Variants in BMPR1B observed in about 807,000 individuals in gnomAD.
The protein encoded by BMPR1B is bone morphogenetic protein receptor type-1B.
A neutral mutation model predicts 59.1 loss-of-function variants in BMPR1B; 12 were observed. The ratio of observed to expected loss-of-function variants is 0.20; its 90% CI spans 0.13 to 0.33. The LOEUF is 0.33. Ranked by LOEUF, BMPR1B falls within the 10% of genes least tolerant of loss-of-function variation. BMPR1B has a pLI of 1.00. For missense variants in BMPR1B, 550 were observed against 610.9 expected (o/e 0.90, Z 1.05); for synonymous variants, 237 against 207.3 (o/e 1.14, Z -1.23).
At chr4:94,795,415 A>G (rs540885090) in intron 1 of BMPR1B, among the ~76,000 whole-genome samples, 93 of 150,108 alleles carry the variant, frequency 6.2e-4, no homozygotes, top group African/African-American at 2.2e-3. Flanking sequence ...TGCTGAATTC[A>G]GAAAACTTCT....
At chr4:94,793,587 C>T (rs1427031109) in intron 1 of BMPR1B, among the ~76,000 whole-genome samples, 46 of 148,708 alleles carry the variant, frequency 3.1e-4, no homozygotes, top group East Asian at 2.8e-3. Flanking sequence ...CCTGAGGAAT[C>T]GCCACACTGA....
At position 94,795,955 on chromosome 4, in the gene BMPR1B, G is replaced by A. The variant is rs887661598; in HGVS notation, c.-183+37887G>A. On this transcript the variant is annotated intron_variant, in intron 1 of 12. Transcript: ENST00000515059. ...GCAAATTCAGTCAGGCCAACTTTAC[G>A]TAAGCTTTTTTTAACTTTTTTTTTT... Among the ~76,000 whole-genome samples, 6 of 146,282 alleles carry A rather than the reference G, an allele frequency of 4.1e-5. No homozygotes were observed. In the South Asian group the frequency reaches 6.6e-4, roughly 16 times the overall value.
intron 2 of BMPR1B, among the ~76,000 whole-genome samples, chr4:94,963,199 T>C (rs1177955288): frequency 6.6e-6 from 1 of 152,180 alleles, no homozygotes; most frequent in Non-Finnish European, 1.5e-5. Context: ...TAATATTTGT[T>C]GTTTTGCTTA....
At chr4:95,101,459 A>G (rs527334231) in intron 3 of BMPR1B, among the ~76,000 whole-genome samples, 2 of 152,016 alleles carry the variant, frequency 1.3e-5, no homozygotes, top group Admixed American at 6.6e-5. Flanking sequence ...TAATTACTGT[A>G]TGTATATTTT....
intron 12 of BMPR1B, among the ~76,000 whole-genome samples, chr4:95,154,170 G>A (rs1735249371): frequency 6.6e-6 from 1 of 152,200 alleles, no homozygotes; most frequent in African/African-American, 2.4e-5. Flanking sequence ...CTATGATTTA[G>A]GAATAACTGT....
chr4:94,760,319 C>G (rs1018753171), intron 1 of BMPR1B, among the ~76,000 whole-genome samples: 6 of 152,084 alleles, frequency 3.9e-5, no homozygotes, highest in Admixed American at 3.9e-4. Flanking sequence ...GTATGTTTCT[C>G]TAAATGTTCC....
chr4:94,844,171 C>CA (rs572583674), intron 1 of BMPR1B, among the ~76,000 whole-genome samples: 163 of 151,608 alleles, frequency 1.1e-3, no homozygotes, highest in African/African-American at 3.5e-3. Context: ...GTTTTCATCA[C>CA]AAAAAAAGGT....
intron 1 of BMPR1B, among the ~76,000 whole-genome samples, chr4:94,793,495 T>C (rs1212966590): frequency 2.0e-5 from 3 of 150,724 alleles, no homozygotes; most frequent in Non-Finnish European, 4.4e-5. Flanking sequence ...CATGTGTCTT[T>C]ATAGCAGCAT....
At chr4:94,817,193 G>T (rs1217103101) in intron 1 of BMPR1B, among the ~76,000 whole-genome samples, 1 of 152,112 alleles carries the variant, frequency 6.6e-6, no homozygotes, top group East Asian at 1.9e-4. Flanking sequence ...CCGGAACTGT[G>T]AGAAATAAAT....
In BMPR1B at chr4:94,962,018, A is replaced by G. The variant is rs374449869; in HGVS notation, c.-112-34022A>G. On this transcript the variant is annotated intron_variant, in intron 2 of 12. Coordinates refer to ENST00000515059, the MANE Select transcript of BMPR1B (RefSeq NM_001203.3). Reference sequence around the variant, plus strand: ...TTAACTATAGTCACCTTATTGTGCTATGGAAACATAGAAACTAGATTTTAT... The same window carrying G: ...TTAACTATAGTCACCTTATTGTGCTGTGGAAACATAGAAACTAGATTTTAT... Among the ~76,000 whole-genome samples the G allele has an allele frequency of 1.8e-4, 28 of 152,160 alleles. No individual in the cohort carries two copies. The South Asian group carries it at 5.4e-3, about 29-fold the overall frequency.
chr4:94,861,217 C>T (rs1381727867), intron 1 of BMPR1B, among the ~76,000 whole-genome samples: 1 of 152,180 alleles, frequency 6.6e-6, no homozygotes, highest in African/African-American at 2.4e-5. Context: ...TATTTAATCC[C>T]TCTGTGTCTC....
chr4:94,875,300 G>A (rs1042312526), intron 1 of BMPR1B, among the ~76,000 whole-genome samples: 49 of 152,294 alleles, frequency 3.2e-4, no homozygotes, highest in African/African-American at 1.2e-3. Flanking sequence ...GTGCTATAGT[G>A]AAAACCTGTA....
chr4:95,132,959 T>C (rs1056204859), intron 10 of BMPR1B, among the ~76,000 whole-genome samples: 7 of 152,174 alleles, frequency 4.6e-5, no homozygotes, highest in African/African-American at 1.7e-4. Context: ...CCTTTCTCTC[T>C]CTCCACTGGC....
chr4:95,048,004 A>G (rs1726170410), intron 3 of BMPR1B, among the ~76,000 whole-genome samples: 1 of 152,068 alleles, frequency 6.6e-6, no homozygotes, highest in African/African-American at 2.4e-5. Flanking sequence ...CTTTATGTCC[A>G]TGTGTACCTA....
intron 1 of BMPR1B, among the ~76,000 whole-genome samples, chr4:94,871,291 G>T (rs1321996837): frequency 2.6e-5 from 4 of 152,124 alleles, no homozygotes; most frequent in Non-Finnish European, 5.9e-5. Context: ...TACATCCTTT[G>T]TAAAGTAAGA....
chr4:95,154,669 T>C lies in BMPR1B; in HGVS notation c.1505T>C (p.Leu502Pro). Residue 502 changes from leucine (L) to proline (P), a missense_variant, in exon 13 of 13, where the codon CTC (leucine) becomes CCC (proline). This residue lies in a region of BMPR1B where 123 missense variants were observed against 164.6 expected (regional missense o/e 0.75). Transcript: ENST00000515059. The part of the protein sequence containing the change: ...AKMSESQDIK[L>P] ...ATGTCAGAGTCCCAGGACATTAAAC[T>C]CTGATAGGAGAGGAAAAGTAAGCAT... The C allele has an allele frequency of 6.2e-7, 1 of 1,614,056 alleles. No homozygotes were observed.
chr4:94,983,204 C>G (rs977020203), intron 2 of BMPR1B, among the ~76,000 whole-genome samples: 3 of 152,064 alleles, frequency 2.0e-5, no homozygotes, highest in East Asian at 1.9e-4. Flanking sequence ...TTTGTTTTCC[C>G]AAATATTATC....
chr4:94,791,965 A>C (rs535761320), intron 1 of BMPR1B, among the ~76,000 whole-genome samples: 2 of 152,220 alleles, frequency 1.3e-5, no homozygotes, highest in Admixed American at 6.5e-5. Flanking sequence ...TCAGTGGCCT[A>C]AGTTTTTCAT....
chr4:95,012,728 T>C (rs1468205145), intron 3 of BMPR1B, among the ~76,000 whole-genome samples: 3 of 152,176 alleles, frequency 2.0e-5, no homozygotes, highest in Admixed American at 6.5e-5. Context: ...TACAACTTCA[T>C]TGTGGACCCA....
Sources: allele counts gnomAD v4.1 joint callset (sites outside exome capture counted in the v4.1 genomes callset), GRCh38; gene constraint gnomAD v4.1.1; regional missense constraint gnomAD v4.1.1; transcripts MANE v1.5; gene names NCBI Gene and HGNC (gene_info 2026-07-23, HGNC 2026-07-21).